RAD21L1: variants seen among roughly 807,000 people sequenced by gnomAD.
RAD21L1 encodes the protein double-strand-break repair protein rad21-like protein 1.
Under a neutral mutation model 69.0 loss-of-function variants are expected in RAD21L1, and 47 were observed. The ratio of observed to expected loss-of-function variants is 0.68; its 90% CI spans 0.54 to 0.87. The LOEUF is 0.87. RAD21L1 is among the 40% of genes least tolerant of loss of function. The pLI is 0.00. For missense variants in RAD21L1, 583 were observed against 647.6 expected (o/e 0.90, Z 1.08); for synonymous variants, 177 against 205.8 (o/e 0.86, Z 1.20).
chr20:1,237,203 C>G (rs1568519196), intron 5 of RAD21L1, among the ~76,000 whole-genome samples: 1 of 152,168 alleles, frequency 6.6e-6, no homozygotes, highest in Non-Finnish European at 1.5e-5. Flanking sequence ...TCTGGGGTTT[C>G]AGACTCCTGG....
At chr20:1,229,124 G>C (rs2087331707) in intron 2 of RAD21L1, among the ~76,000 whole-genome samples, 1 of 152,186 alleles carries the variant, frequency 6.6e-6, no homozygotes, top group South Asian at 2.1e-4. Flanking sequence ...GTTAGGCACT[G>C]GGCTGGACTT....
intron 11 of RAD21L1, among the ~76,000 whole-genome samples, chr20:1,245,488 G>A (rs1353390263): frequency 6.6e-6 from 1 of 152,128 alleles, no homozygotes; most frequent in Non-Finnish European, 1.5e-5. Flanking sequence ...TTAAAGCTGA[G>A]TGAAAAAGCA....
intron 12 of RAD21L1, among the ~76,000 whole-genome samples, chr20:1,247,729 G>C (rs955081784): frequency 2.0e-5 from 3 of 152,084 alleles, no homozygotes; most frequent in African/African-American, 7.2e-5. Context: ...TGGAGTCTAT[G>C]AAATTGAAAG....
At chr20:1,250,470 T>G (rs2122160929) in intron 13 of RAD21L1, among the ~76,000 whole-genome samples, 1 of 151,374 alleles carries the variant, frequency 6.6e-6, no homozygotes, top group East Asian at 1.9e-4. Context: ...TGGTTTTTTG[T>G]CCTTGTGATA....
At chr20:1,252,247 G>T (rs1244868850) in intron 13 of RAD21L1, among the ~76,000 whole-genome samples, 1 of 152,076 alleles carries the variant, frequency 6.6e-6, no homozygotes, top group Non-Finnish European at 1.5e-5. Context: ...AGGATTATCT[G>T]CTTTTATTTA....
chr20:1,248,671 G>A lies in RAD21L1; in HGVS notation c.1447G>A (p.Gly483Arg). ...AAATATTGAGACAGAGAGATGGAAT[G>A]GAAGAATACTTCAGATGTTAAATCG... The part of the protein sequence containing the change: ...EENIETERWN[G>R]RILQMLNRLR... Residue 483 changes from glycine (G) to arginine (R), a missense_variant, in exon 13 of 14, where the codon GGA becomes AGA. Gly to Arg is a moderately radical substitution (Grantham distance 125). Transcript: ENST00000683101. 6.5e-7 allele frequency: 1 copy of A among 1,532,718 alleles called. No individual in the cohort carries two copies. Among genetic ancestry groups the A allele is most frequent in the Non-Finnish European group, 8.8e-7 (1 of 1,134,570 alleles). The allele number at this position is 1,532,718 out of a possible 1,614,324, so 94.9% of individuals were successfully genotyped here. A position where few individuals can be genotyped will look rare whatever the true frequency, so the allele number is the denominator to read the frequency against.
Position 1,254,531 on chromosome 20 carries a change from A to G in RAD21L1, c.*74A>G. 2 of 1,057,918 alleles carry G rather than the reference A, an allele frequency of 1.9e-6. No individual in the cohort carries two copies. Among genetic ancestry groups the G allele is most frequent in the Non-Finnish European group, 2.6e-6 (2 of 773,704 alleles). 65.5% of individuals were successfully genotyped at this position (1,057,918 alleles called of 1,614,324 possible). A position where few individuals can be genotyped will look rare whatever the true frequency, so the allele number is the denominator to read the frequency against. ...GATTGTTCAATTTAATGCAGAAGCCATCTGGAAGCAGCTGAAGGTCTGATC... is the reference window on the plus strand; with the variant it reads ...GATTGTTCAATTTAATGCAGAAGCCGTCTGGAAGCAGCTGAAGGTCTGATC... On this transcript the variant is annotated 3_prime_UTR_variant, in exon 14 of 14. Coordinates refer to ENST00000683101, the MANE Select transcript of RAD21L1 (RefSeq NM_001384355.1).
intron 12 of RAD21L1, among the ~76,000 whole-genome samples, chr20:1,247,434 A>G (rs923687063): frequency 6.6e-6 from 1 of 152,202 alleles, no homozygotes; most frequent in African/African-American, 2.4e-5. Flanking sequence ...CAATAAAATA[A>G]ACATTAATAA....
At position 1,236,818 on chromosome 20, in the gene RAD21L1, A is replaced by T. The variant is rs182824197; in HGVS notation, c.476-1226A>T. On this transcript the variant is annotated intron_variant, in intron 5 of 13. Transcript: ENST00000683101. ...TTAATCCATCTTATTCTGGATTGTAATATAAGATCAAAGGCAATGATTATT... is the reference window on the plus strand; with the variant it reads ...TTAATCCATCTTATTCTGGATTGTATTATAAGATCAAAGGCAATGATTATT... Among the ~76,000 whole-genome samples the T allele has an allele frequency of 1.4e-3, 210 of 152,350 alleles. 3 individuals are homozygous for T. Among genetic ancestry groups the T allele is most frequent in the Non-Finnish European group, 7.9e-4 (54 of 68,034 alleles).
At chr20:1,245,598 C>T (rs1174883119) in intron 11 of RAD21L1, among the ~76,000 whole-genome samples, 1 of 152,084 alleles carries the variant, frequency 6.6e-6, no homozygotes, top group East Asian at 1.9e-4. Flanking sequence ...TTGATAGCTT[C>T]TATAGCAATG....
chr20:1,242,476 G>A (rs911860868), intron 8 of RAD21L1, 143 bp from the exon 9 acceptor site: 21 of 650,378 alleles, frequency 3.2e-5, no homozygotes, highest in South Asian at 7.4e-5. Context: ...CAAGCAATCC[G>A]CCCACCTCAG....
rs891303418 is a variant in RAD21L1 at position 1,229,812 on chromosome 20, T to C, written c.145-68T>C. On this transcript the variant is annotated intron_variant, in intron 2 of 13. Transcript: ENST00000683101. Reference sequence around the variant, plus strand: ...AGAGAACCAATTCTTACGATGTCAGTAACTTTCAAAGAATAGGATTTATGA... The same window carrying C: ...AGAGAACCAATTCTTACGATGTCAGCAACTTTCAAAGAATAGGATTTATGA... 3.3e-6 allele frequency: 4 copies of C among 1,207,510 alleles called. No homozygotes were observed. The African/African-American group carries it at 6.1e-5, about 18-fold the overall frequency. The allele number at this position is 1,207,510 out of a possible 1,614,324, so 74.8% of individuals were successfully genotyped here.
At chr20:1,243,494 C>T (rs1219330937) in intron 10 of RAD21L1, among the ~76,000 whole-genome samples, 1 of 151,958 alleles carries the variant, frequency 6.6e-6, no homozygotes, top group African/African-American at 2.4e-5. Flanking sequence ...CAAAAATCCT[C>T]AAAAAAGAAA....
At chr20:1,251,128 G>A (rs980135514) in intron 13 of RAD21L1, among the ~76,000 whole-genome samples, 22 of 152,138 alleles carry the variant, frequency 1.4e-4, no homozygotes, top group African/African-American at 4.8e-4. Flanking sequence ...CCATACCAGC[G>A]TGAGCGTTTC....
At position 1,246,162 on chromosome 20, in the gene RAD21L1, C is replaced by A; in HGVS notation, c.1309-51C>A. On this transcript the variant is annotated intron_variant, in intron 11 of 13. Coordinates refer to ENST00000683101, the MANE Select transcript of RAD21L1 (RefSeq NM_001384355.1). This position sits in a 1 kb window ranked among gnomAD's most constrained non-coding sequence, Gnocchi z 4.6. ...AGCATTTAATAAAATTAGATTGTTCCTGTATAACCACTGGCAGATTTACCT... is the reference window on the plus strand; with the variant it reads ...AGCATTTAATAAAATTAGATTGTTCATGTATAACCACTGGCAGATTTACCT... 1 of 936,290 alleles carries A rather than the reference C, an allele frequency of 1.1e-6. No individual in the cohort carries two copies. The highest frequency in any genetic ancestry group is 1.6e-6 in the Non-Finnish European group (1 of 627,616). The allele number at this position is 936,290 out of a possible 1,614,324, so 58.0% of individuals were successfully genotyped here. A position where few individuals can be genotyped will look rare whatever the true frequency, so the allele number is the denominator to read the frequency against.
At chr20:1,252,824 A>G (rs572231848) in intron 13 of RAD21L1, among the ~76,000 whole-genome samples, 4 of 152,248 alleles carry the variant, frequency 2.6e-5, no homozygotes, top group Non-Finnish European at 5.9e-5. Context: ...GCCAGCACTT[A>G]GGGTTCAGTT....
intron 6 of RAD21L1, 85 bp from the exon 7 acceptor site, chr20:1,239,227 A>T: frequency 2.8e-6 from 2 of 723,368 alleles, no homozygotes; most frequent in South Asian, 1.8e-5. Flanking sequence ...TTACAATGAA[A>T]TGCATAAAGT....
At chr20:1,233,980 T>C in intron 4 of RAD21L1, 105 bp from the exon 5 acceptor site, 1 of 590,296 alleles carries the variant, frequency 1.7e-6, no homozygotes, top group Non-Finnish European at 3.0e-6. Flanking sequence ...ATAATACTAT[T>C]GAGAAAATGA....
Position 1,242,900 on chromosome 20 carries a change from A to T in RAD21L1, c.1083+55A>T, listed in dbSNP as rs1181139184. On this transcript the variant is annotated intron_variant, in intron 9 of 13. Transcript: ENST00000683101. ...CAATGTCTGGTTATAAATAAATAAT[A>T]AATAAATAAATAAACACATATTTAC... 5 of 1,121,206 alleles carry T rather than the reference A, an allele frequency of 4.5e-6. No homozygotes were observed. In the Admixed American group the frequency reaches 6.4e-5, roughly 14 times the overall value. The allele number at this position is 1,121,206 out of a possible 1,614,324, so 69.5% of individuals were successfully genotyped here.
Sources: allele counts gnomAD v4.1 joint callset (sites outside exome capture counted in the v4.1 genomes callset), GRCh38; gene constraint gnomAD v4.1.1; non-coding constraint Gnocchi (gnomAD v3.1); transcripts MANE v1.5; gene names NCBI Gene and HGNC (gene_info 2026-07-23, HGNC 2026-07-21).